The following VCAN variants were observed in gnomAD, a reference collection of about 807,000 sequenced individuals.
VCAN encodes the protein versican core protein.
Under a neutral mutation model 245.5 loss-of-function variants are expected in VCAN, and 44 were observed. That is an observed-to-expected ratio of 0.18 (90% CI 0.14 to 0.23). The LOEUF (loss-of-function observed/expected upper bound fraction) is 0.23, where lower values mean the gene tolerates loss of function less well. Ranked by LOEUF, VCAN falls within the 10% of genes least tolerant of loss-of-function variation. The pLI is 1.00. For synonymous variants in VCAN, 1,413 were observed against 1,437.0 expected, an observed-to-expected ratio of 0.98 and a Z score of 0.38; for missense variants, 3,793 against 4,057.9, an observed-to-expected ratio of 0.93 and a Z score of 1.77.
chr5:83,566,424 G>A (rs1168733159), intron 12 of VCAN, among the ~76,000 whole-genome samples: 2 of 152,130 alleles, frequency 1.3e-5, no homozygotes, highest in Non-Finnish European at 2.9e-5. Context: ...TGGCCACCTG[G>A]TGTGTGTTTT....
At chr5:83,571,999 C>A (rs1748306692) in intron 12 of VCAN, among the ~76,000 whole-genome samples, 1 of 152,018 alleles carries the variant, frequency 6.6e-6, no homozygotes, top group Admixed American at 6.6e-5. Flanking sequence ...ATTGAGGTAT[C>A]ATCACAATTA....
intron 5 of VCAN, among the ~76,000 whole-genome samples, chr5:83,499,408 T>C (rs953854541): frequency 3.3e-5 from 5 of 152,190 alleles, no homozygotes; most frequent in African/African-American, 7.2e-5. Context: ...AATAAATAGT[T>C]GGTGGTAATT....
chr5:83,539,933 A>G lies in VCAN; in HGVS notation c.6930A>G (p.Glu2310=), dbSNP rs1746899394. 2 of 1,614,122 alleles carry G rather than the reference A, an allele frequency of 1.2e-6. No homozygotes were observed. The highest frequency in any genetic ancestry group is 1.3e-5 in the African/African-American group (1 of 75,042). ...ACAGAATGGAAAATGTGGCAAAAGA[A>G]GTTGGACCACTCGTATCTCAAACAG... ...DFNRMENVAK[E]VGPLVSQTDI... is the part of the protein sequence containing the mutation. Residue 2310 remains glutamate, a synonymous_variant, in exon 8 of 15, where the codon GAA becomes GAG. Coordinates refer to ENST00000265077, the MANE Select transcript of VCAN (RefSeq NM_004385.5).
intron 2 of VCAN, among the ~76,000 whole-genome samples, chr5:83,483,910 G>A (rs1455772977): frequency 6.6e-6 from 1 of 151,982 alleles, no homozygotes; most frequent in African/African-American, 2.4e-5. Context: ...ACTTTCCTAT[G>A]CAAAAAAAGA....
chr5:83,479,578 T>A (rs1744542526), intron 1 of VCAN, among the ~76,000 whole-genome samples: 1 of 152,164 alleles, frequency 6.6e-6, no homozygotes, highest in Non-Finnish European at 1.5e-5. Context: ...CAGACAGAGT[T>A]GTTATCACTA....
intron 5 of VCAN, among the ~76,000 whole-genome samples, chr5:83,496,260 T>C (rs879566327): frequency 2.6e-5 from 4 of 152,346 alleles, no homozygotes; most frequent in East Asian, 1.9e-4. Flanking sequence ...ACTAGTCTTA[T>C]AGACGTCCTC....
intron 9 of VCAN, 89 bp from the exon 10 acceptor site, chr5:83,547,882 T>A (rs1486277535): frequency 3.4e-6 from 3 of 871,464 alleles, no homozygotes; most frequent in Non-Finnish European, 5.7e-6. Context: ...TAACTGGCTG[T>A]CTTGTATGTT....
intron 13 of VCAN, among the ~76,000 whole-genome samples, chr5:83,576,711 T>C (rs576086960): frequency 6.6e-6 from 1 of 152,292 alleles, no homozygotes; most frequent in South Asian, 2.1e-4. Context: ...ATCCTGTTGC[T>C]CTACATCTTC....
intron 13 of VCAN, among the ~76,000 whole-genome samples, chr5:83,572,894 TTTATTTA>T (rs1410314886): frequency 7.4e-5 from 11 of 148,490 alleles, no homozygotes; most frequent in African/African-American, 2.5e-4. Context: ...TATTTATTTA[TTTATTTA>T]TTATTATTAT....
rs1316479814 is a variant in VCAN at position 83,474,242 on chromosome 5, A to C, written c.-7+2219A>C. 2.0e-5 allele frequency among the ~76,000 whole-genome samples: 3 copies of C among 151,902 alleles called. No individual in the cohort carries two copies. In the East Asian group the frequency reaches 5.8e-4, roughly 29 times the overall value. ...GTGGGAGGAAAAAAGAAAGGGAAGGAAGGGAAGTGGAAGGAAAGAGGACCG... is the reference window on the plus strand; with the variant it reads ...GTGGGAGGAAAAAAGAAAGGGAAGGCAGGGAAGTGGAAGGAAAGAGGACCG... On this transcript the variant is annotated intron_variant, in intron 1 of 14. Coordinates refer to ENST00000265077, the MANE Select transcript of VCAN (RefSeq NM_004385.5).
intron 1 of VCAN, 117 bp downstream of exon 1, chr5:83,472,140 G>C (rs1315437354): frequency 1.7e-5 from 3 of 175,452 alleles, no homozygotes; most frequent in African/African-American, 7.1e-5. Flanking sequence ...AAGGCAAAGA[G>C]CTGTAAGGCG....
At chr5:83,496,486 TAA>T (rs1745164382) in intron 5 of VCAN, among the ~76,000 whole-genome samples, 1 of 152,214 alleles carries the variant, frequency 6.6e-6, no homozygotes, top group East Asian at 1.9e-4. Flanking sequence ...AAGAGAAATA[TAA>T]AAGAGTCAGT....
intron 5 of VCAN, among the ~76,000 whole-genome samples, chr5:83,500,181 G>A (rs1377854099): frequency 1.3e-5 from 2 of 152,162 alleles, no homozygotes; most frequent in African/African-American, 4.8e-5. Context: ...CCACATATCA[G>A]CTTGAAGAGC....
chr5:83,522,230 T>C lies in VCAN; in HGVS notation c.3924T>C (p.Ser1308=), dbSNP rs1236295757. The C allele has an allele frequency of 6.2e-7, 1 of 1,601,694 alleles. No individual in the cohort carries two copies. Among genetic ancestry groups the C allele is most frequent in the Non-Finnish European group, 8.5e-7 (1 of 1,179,750 alleles). ...DKEAFGPQAL[S]TPQPPASTKF... ...AGGCCTTTGGACCTCAGGCGCTTTC[T>C]ACGCCACAGCCCCCAGCAAGCACAA... Residue 1308 remains serine, a synonymous_variant, in exon 7 of 15, where the codon TCT becomes TCC. Transcript: ENST00000265077.
At chr5:83,566,303 C>T (rs1393436435) in intron 12 of VCAN, among the ~76,000 whole-genome samples, 1 of 152,124 alleles carries the variant, frequency 6.6e-6, no homozygotes, top group Non-Finnish European at 1.5e-5. Flanking sequence ...GGCAGTTATC[C>T]ATCACTGCAT....
chr5:83,496,356 A>G (rs765977291), intron 5 of VCAN, among the ~76,000 whole-genome samples: 1 of 152,230 alleles, frequency 6.6e-6, no homozygotes, highest in Non-Finnish European at 1.5e-5. Context: ...GTTATTTTGG[A>G]TAAATCTACA....
At position 83,572,568 on chromosome 5, in the gene VCAN, T is replaced by C. The variant is rs763924596; in HGVS notation, c.9880+8T>C. The C allele has an allele frequency of 2.5e-6, 4 of 1,613,560 alleles. No individual in the cohort carries two copies. Among genetic ancestry groups the C allele is most frequent in the Non-Finnish European group, 3.4e-6 (4 of 1,179,624 alleles). Reference sequence around the variant, plus strand: ...CGTGCAAGAAAGGAACAGGTAATGATCACCCTGTTAATAATGTGTACTTAA... The same window carrying C: ...CGTGCAAGAAAGGAACAGGTAATGACCACCCTGTTAATAATGTGTACTTAA... On this transcript the variant is annotated splice_region_variant and intron_variant, in intron 13 of 14. Transcript: ENST00000265077.
At position 83,578,751 on chromosome 5, in the gene VCAN, G is replaced by A. The variant is rs1316400424; in HGVS notation, c.9881-1229G>A. The stretch of plus-strand genomic sequence containing the variant: ...GAATGTGGCATGTTTTTGTGGGCCT[G>A]TGGTGTAAGAATTCTTAAGCAATAG... On this transcript the variant is annotated intron_variant, in intron 13 of 14. Coordinates refer to ENST00000265077, the MANE Select transcript of VCAN (RefSeq NM_004385.5). 2.0e-5 allele frequency among the ~76,000 whole-genome samples: 3 copies of A among 152,206 alleles called. 1 individual carries two copies. The highest frequency in any genetic ancestry group is 3.9e-4 in the East Asian group (2 of 5,180).
intron 1 of VCAN, among the ~76,000 whole-genome samples, chr5:83,480,097 G>A (rs1744561309): frequency 6.6e-6 from 1 of 152,182 alleles, no homozygotes; most frequent in Non-Finnish European, 1.5e-5. Flanking sequence ...CTTATATTTA[G>A]TGTAAACAGT....
Sources: gnomAD v4.1 joint callset for allele counts (sites outside exome capture counted in the v4.1 genomes callset) on GRCh38, gnomAD v4.1.1 for gene constraint, MANE v1.5 for transcripts, NCBI Gene and HGNC (gene_info 2026-07-23, HGNC 2026-07-21) for gene names.